Variants in MPPE1 observed in about 807,000 individuals in gnomAD.
MPPE1 encodes metallo phosphoesterase.
MPPE1 carries 28 observed loss-of-function variants against 43.8 expected under a neutral mutation model. The ratio of observed to expected loss-of-function variants is 0.64; its 90% confidence interval spans 0.47 to 0.88. The LOEUF (loss-of-function observed/expected upper bound fraction) is 0.88. MPPE1 is among the 40% of genes least tolerant of loss of function. The pLI, the probability that MPPE1 is intolerant of heterozygous loss-of-function variation, is 0.00. For missense variants in MPPE1, 428 were observed against 492.2 expected (o/e 0.87, Z 1.23); for synonymous variants, 159 against 188.5 (o/e 0.84, Z 1.28).
chr18:11,885,515 G>A, intron 10 of MPPE1, 161 bp downstream of exon 10: 1 of 801,756 alleles, frequency 1.2e-6, no homozygotes. Context: ...TTCCCGGAAG[G>A]GTGTTTGGCA....
At chr18:11,904,629 A>AT (rs1330316352) in intron 2 of MPPE1, among the ~76,000 whole-genome samples, 2 of 152,142 alleles carry the variant, frequency 1.3e-5, no homozygotes, top group Non-Finnish European at 2.9e-5. Context: ...CAACATGATC[A>AT]TTTTTTAAAA....
rs765785638 is a variant in MPPE1, at chr18:11,884,517, G to A, written c.1119C>T (p.Leu373=). Residue 373 remains leucine, a synonymous_variant, in exon 11 of 11, where the codon CTC becomes CTT. Coordinates refer to ENST00000588072, the MANE Select transcript of MPPE1 (RefSeq NM_023075.6). Reference sequence around the variant, plus strand: ...GTGAGGCTAGAAGCCCAAAGTGAGTGAGTGTGAGGACCACAAGGAAGCCCA... The same window carrying A: ...GTGAGGCTAGAAGCCCAAAGTGAGTAAGTGTGAGGACCACAAGGAAGCCCA... ...GVVGFLVVLT[L]THFGLLASPF... is the part of the protein sequence containing the mutation. 2 of 1,614,158 alleles carry A rather than the reference G, an allele frequency of 1.2e-6. No homozygotes were observed. The highest frequency in any genetic ancestry group is 1.3e-5 in the African/African-American group (1 of 75,058).
chr18:11,883,211 C>T lies in MPPE1; in HGVS notation c.*1234G>A, dbSNP rs1417425729. Reference sequence around the variant, plus strand: ...GCAACACACACATTTTATCTCATCACCGTCTTACTGCCTCCCCATCCACTG... The same window carrying T: ...GCAACACACACATTTTATCTCATCATCGTCTTACTGCCTCCCCATCCACTG... On this transcript the variant is annotated 3_prime_UTR_variant, in exon 11 of 11. Coordinates refer to ENST00000588072, the MANE Select transcript of MPPE1 (RefSeq NM_023075.6). The T allele has an allele frequency of 7.2e-6, 1 of 138,156 alleles. No individual in the cohort carries two copies. The highest frequency in any genetic ancestry group is 1.5e-5 in the Non-Finnish European group (1 of 66,650). 8.6% of individuals were successfully genotyped at this position (138,156 alleles called of 1,614,324 possible).
At position 11,906,306 on chromosome 18, in the gene MPPE1, T is replaced by G. The variant is rs2039705815; in HGVS notation, c.-196A>C. ...TCTGCTCCCCAAAATCAGAATTCAT[T>G]TATCTGAAATGAAACCAAAAATGTG... On this transcript the variant is annotated 5_prime_UTR_variant, in exon 2 of 11. Coordinates refer to ENST00000588072, the MANE Select transcript of MPPE1 (RefSeq NM_023075.6). 6.6e-6 allele frequency: 1 copy of G among 152,170 alleles called. No individual in the cohort carries two copies. The highest frequency in any genetic ancestry group is 6.6e-5 in the Admixed American group (1 of 15,256). 9.4% of individuals were successfully genotyped at this position (152,170 alleles called of 1,614,324 possible).
intron 2 of MPPE1, among the ~76,000 whole-genome samples, chr18:11,900,871 C>T (rs1598588078): frequency 2.7e-5 from 4 of 148,952 alleles, no homozygotes; most frequent in East Asian, 2.0e-4. Flanking sequence ...TGCGCCACTG[C>T]ACTCCAGCCT....
rs45522032 is a variant in MPPE1 at position 11,886,740 on chromosome 18, C to G, written c.717G>C (p.Leu239=). The change falls in exon 8 of 11, where the codon CTG becomes CTC. Residue 239 remains leucine, a synonymous_variant. Transcript: ENST00000588072. This position sits in a 1 kb window ranked among gnomAD's most constrained non-coding sequence, Gnocchi z 4.1. ...GCAGGAGGACAGGGGCAGACGTGGG[C>G]AGCAGAGGCCCAGGTCCACACCGGC... ...GSSRCGPGPL[L]PTSAPVLLQH... 4,269 of 1,613,474 alleles carry G rather than the reference C, an allele frequency of 2.6e-3. 8 individuals carry two copies. Among genetic ancestry groups the G allele is most frequent in the Admixed American group, 7.5e-3 (450 of 59,990 alleles).
chr18:11,895,730 T>C (rs2038523497), intron 3 of MPPE1, among the ~76,000 whole-genome samples: 1 of 152,082 alleles, frequency 6.6e-6, no homozygotes, highest in African/African-American at 2.4e-5. Context: ...TTTTGGTTTT[T>C]GTTTATTGTT....
rs1377387920 is a variant in MPPE1 at position 11,897,217 on chromosome 18, T to C, written c.48A>G (p.Leu16=). ...LGFGRQNFHP[L]KRKSSLLLKL... ...TCAACAGCAATGAACTCTTCCTCTT[T>C]AATGGATGAAAATTCTGTCTTCCAA... The change falls in exon 3 of 11, where the codon TTA becomes TTG. Residue 16 remains leucine (L), a synonymous_variant. Coordinates refer to ENST00000588072, the MANE Select transcript of MPPE1 (RefSeq NM_023075.6). 1 of 1,157,062 alleles carries C rather than the reference T, an allele frequency of 8.6e-7. No individual in the cohort carries two copies. 71.7% of individuals were successfully genotyped at this position (1,157,062 alleles called of 1,614,324 possible).
rs73945269 is a variant in MPPE1, at chr18:11,885,773, G to T, written c.911C>A (p.Thr304Lys). The T allele has an allele frequency of 6.2e-7, 1 of 1,613,090 alleles. No homozygotes were observed. The highest frequency in any genetic ancestry group is 8.5e-7 in the Non-Finnish European group (1 of 1,179,456). Residue 304 changes from threonine to lysine, a missense_variant, in exon 10 of 11, where the codon ACG becomes AAG. Around this residue, in one of 3 missense-constraint regions of MPPE1, gnomAD observed 379 missense variants for 402.5 expected, o/e 0.94. Transcript: ENST00000588072. ...GTGGTGCACCTCGCAGGCGCTGTGC[G>T]TGTGGCCACTGAGAACCAGGCGCGG... ...LQPRLVLSGH[T>K]HSACEVHHGG...
intron 3 of MPPE1, among the ~76,000 whole-genome samples, chr18:11,894,444 A>AAG (rs1247055534): frequency 6.6e-6 from 1 of 151,376 alleles, no homozygotes; most frequent in Admixed American, 6.6e-5. Context: ...AAAAAAAAAA[A>AAG]AAAAAAAAAA....
At position 11,894,389 on chromosome 18, in the gene MPPE1, C is replaced by T. The variant is rs555590603; in HGVS notation, c.282-813G>A. Among the ~76,000 whole-genome samples the T allele has an allele frequency of 7.8e-5, 11 of 140,874 alleles. No individual in the cohort carries two copies. The South Asian group carries it at 2.3e-3, about 30-fold the overall frequency. The allele number at this position is 140,874 out of a possible 152,430, so 92.4% of individuals were successfully genotyped here. A position where few individuals can be genotyped will look rare whatever the true frequency, so the allele number is the denominator to read the frequency against. On this transcript the variant is annotated intron_variant, in intron 3 of 10. Coordinates refer to ENST00000588072, the MANE Select transcript of MPPE1 (RefSeq NM_023075.6). Reference sequence around the variant, plus strand: ...GTTGCAGTAAGCTGAGATCATGACACTGCACTCACTCCAGCCTGGGTGACA... The same window carrying T: ...GTTGCAGTAAGCTGAGATCATGACATTGCACTCACTCCAGCCTGGGTGACA...
rs1366984756 is a variant in MPPE1, at chr18:11,883,061, T to C, written c.*1384A>G. 6.6e-6 allele frequency: 1 copy of C among 152,244 alleles called. No individual in the cohort carries two copies. The highest frequency in any genetic ancestry group is 1.5e-5 in the Non-Finnish European group (1 of 68,052). The allele number at this position is 152,244 out of a possible 1,614,324, so 9.4% of individuals were successfully genotyped here. ...CATTACTTCATTATTACTCTTCTTT[T>C]AGTCTTTAGTCTTTAATATTTTAAA... On this transcript the variant is annotated 3_prime_UTR_variant, in exon 11 of 11. Coordinates refer to ENST00000588072, the MANE Select transcript of MPPE1 (RefSeq NM_023075.6).
intron 2 of MPPE1, among the ~76,000 whole-genome samples, chr18:11,903,077 C>T (rs751782200): frequency 5.3e-5 from 8 of 152,102 alleles, no homozygotes; most frequent in East Asian, 1.9e-4. Flanking sequence ...CAGGCATGAG[C>T]GGGGCAGGTG....
At chr18:11,900,769 T>A (rs868087854) in intron 2 of MPPE1, among the ~76,000 whole-genome samples, 6 of 151,772 alleles carry the variant, frequency 4.0e-5, no homozygotes, top group Admixed American at 2.6e-4. Context: ...TAGCCAGGCG[T>A]GGTGGCAGAC....
chr18:11,897,293 G>A lies in MPPE1; in HGVS notation c.-29C>T. On this transcript the variant is annotated 5_prime_UTR_variant, in exon 3 of 11. Coordinates refer to ENST00000588072, the MANE Select transcript of MPPE1 (RefSeq NM_023075.6). ...TCAAGCAACAACAAATCCATCAAGG[G>A]TTCACCACGAGAAAACTGCAGAGCC... 1.1e-6 allele frequency: 1 copy of A among 911,136 alleles called. No individual in the cohort carries two copies. The highest frequency in any genetic ancestry group is 1.7e-6 in the Non-Finnish European group (1 of 588,406). The allele number at this position is 911,136 out of a possible 1,614,324, so 56.4% of individuals were successfully genotyped here.
intron 6 of MPPE1, 36 bp from the exon 7 acceptor site, chr18:11,887,061 G>T: frequency 2.0e-6 from 3 of 1,478,152 alleles, no homozygotes; most frequent in Admixed American, 1.8e-5. Context: ...GGCCGCTGGG[G>T]GTATCAGTGC....
At chr18:11,896,560 C>T (rs1469652596) in intron 3 of MPPE1, among the ~76,000 whole-genome samples, 1 of 152,196 alleles carries the variant, frequency 6.6e-6, no homozygotes, top group Non-Finnish European at 1.5e-5. Context: ...ACCCAATAGG[C>T]TCAAAGTTAC....
intron 2 of MPPE1, among the ~76,000 whole-genome samples, chr18:11,898,517 T>C (rs879107961): frequency 6.6e-6 from 1 of 152,202 alleles, no homozygotes; most frequent in Admixed American, 6.5e-5. Flanking sequence ...GTTTCTATAA[T>C]CCCTAAATGC....
chr18:11,886,095 C>A lies in MPPE1; in HGVS notation c.868-279G>T, dbSNP rs1430009040. ...TTATACATTTATCTTATAAATATTT[C>A]TTATATTTATATATTATGTATAATG... is the stretch of plus-strand genomic sequence containing the variant. On this transcript the variant is annotated intron_variant, in intron 9 of 10. Coordinates refer to ENST00000588072, the MANE Select transcript of MPPE1 (RefSeq NM_023075.6). This position sits in a 1 kb window ranked among gnomAD's most constrained non-coding sequence, Gnocchi z 4.1. 1 of 166,846 alleles carries A rather than the reference C, an allele frequency of 6.0e-6. No homozygotes were observed. The highest frequency in any genetic ancestry group is 1.2e-5 in the Non-Finnish European group (1 of 80,874). The allele number at this position is 166,846 out of a possible 1,614,324, so 10.3% of individuals were successfully genotyped here.
Sources: gnomAD v4.1 joint callset for allele counts (sites outside exome capture counted in the v4.1 genomes callset) on GRCh38, gnomAD v4.1.1 for gene constraint, gnomAD v4.1.1 regional missense constraint, Gnocchi (gnomAD v3.1) non-coding constraint, MANE v1.5 for transcripts, NCBI Gene and HGNC (gene_info 2026-07-23, HGNC 2026-07-21) for gene names.